COL4A6: variants seen among roughly 807,000 people sequenced by gnomAD.
COL4A6 encodes collagen type IV alpha 6 chain, also known as collagen alpha-6(IV) chain.
In COL4A6, 59 loss-of-function variants were observed where a neutral mutation model predicts 126.7. The ratio of observed to expected loss-of-function variants is 0.47; its 90% CI spans 0.38 to 0.58. The LOEUF (loss-of-function observed/expected upper bound fraction) is 0.58. Among genes scored for constraint, COL4A6 ranks in the 20% least tolerant of loss-of-function variants. COL4A6 has a pLI of 0.00. For synonymous variants in COL4A6, 547 were observed against 496.6 expected (o/e 1.10, Z -1.35); for missense variants, 1,285 against 1,337.3 (o/e 0.96, Z 0.61).
At chrX:108,196,968 A>C (rs2035239437) in intron 13 of COL4A6, among the ~76,000 whole-genome samples, 1 of 112,195 alleles carries the variant, frequency 8.9e-6, no homozygotes, top group African/African-American at 3.2e-5. Context: ...TTTTCCATTA[A>C]AACAAGCTGC....
intron 3 of COL4A6, among the ~76,000 whole-genome samples, chrX:108,305,542 G>T (rs911915737): frequency 8.9e-6 from 1 of 111,871 alleles, no homozygotes; most frequent in African/African-American, 3.3e-5. Flanking sequence ...GCAGGACAGT[G>T]GCAAATTGAT....
At chrX:108,281,279 T>C (rs1265303395) in intron 3 of COL4A6, among the ~76,000 whole-genome samples, 1 of 91,204 alleles carries the variant, frequency 1.1e-5, no homozygotes, top group East Asian at 3.4e-4. Flanking sequence ...CTTAAGCTGA[T>C]AAGCAACTTC....
rs187034547 is a variant in COL4A6, at chrX:108,300,720, T to C, written c.144+10028A>G. 1.1e-3 allele frequency among the ~76,000 whole-genome samples: 112 copies of C among 100,632 alleles called. 4 individuals carry two copies. The East Asian group carries it at 0.034, about 31-fold the overall frequency. The allele number at this position is 100,632 out of a possible 115,157, so 87.4% of individuals were successfully genotyped here. Reference sequence around the variant, plus strand: ...AGATGCAGTGATGGGTAGTCAAACATTGGCGTGTGTGTGTGTGTGTGTGTG... The same window carrying C: ...AGATGCAGTGATGGGTAGTCAAACACTGGCGTGTGTGTGTGTGTGTGTGTG... On this transcript the variant is annotated intron_variant, in intron 3 of 44. Coordinates refer to ENST00000334504, the MANE Select transcript of COL4A6 (RefSeq NM_033641.4).
intron 3 of COL4A6, among the ~76,000 whole-genome samples, chrX:108,260,410 A>T (rs1293709358): frequency 8.9e-6 from 1 of 111,857 alleles, no homozygotes; most frequent in Non-Finnish European, 1.9e-5. Flanking sequence ...TGTAGCTCCA[A>T]TAATTCCCTC....
intron 2 of COL4A6, among the ~76,000 whole-genome samples, chrX:108,399,438 G>A (rs1269029023): frequency 9.0e-6 from 1 of 111,027 alleles, no homozygotes; most frequent in Non-Finnish European, 1.9e-5. Context: ...AAATTATACT[G>A]TAATTTCTTC....
chrX:108,161,009 T>C (rs943928020), intron 42 of COL4A6, among the ~76,000 whole-genome samples: 5 of 111,922 alleles, frequency 4.5e-5, no homozygotes, highest in Non-Finnish European at 9.4e-5. Context: ...GGTCCAGCCT[T>C]GCAGGCCCTC....
chrX:108,298,675 C>T lies in COL4A6; in HGVS notation c.144+12073G>A, dbSNP rs187927454. On this transcript the variant is annotated intron_variant, in intron 3 of 44. Coordinates refer to ENST00000334504, the MANE Select transcript of COL4A6 (RefSeq NM_033641.4). ...CTGGGAAACTCTCAAGGAGGCCCTG[C>T]GGGGGCTGGTTAAACTGTCTGGGGT... Among the ~76,000 whole-genome samples, 637 of 109,974 alleles carry T rather than the reference C, an allele frequency of 5.8e-3. 11 individuals carry two copies. The highest frequency in any genetic ancestry group is 5.8e-3 in the Non-Finnish European group (303 of 52,443).
At chrX:108,434,329 C>T (rs1032434726) in intron 2 of COL4A6, among the ~76,000 whole-genome samples, 21 of 110,039 alleles carry the variant, frequency 1.9e-4, no homozygotes, top group Admixed American at 5.8e-4. Flanking sequence ...TTTCACTCTG[C>T]TGCCCAGGGT....
intron 3 of COL4A6, among the ~76,000 whole-genome samples, chrX:108,256,501 C>A (rs991743490): frequency 9.0e-6 from 1 of 111,314 alleles, no homozygotes; most frequent in Non-Finnish European, 1.9e-5. Context: ...ATAGATGAGG[C>A]AACTGAGATA....
intron 3 of COL4A6, among the ~76,000 whole-genome samples, chrX:108,278,832 A>G (rs2037703565): frequency 1.8e-5 from 2 of 111,014 alleles, no homozygotes; most frequent in Admixed American, 1.9e-4. Flanking sequence ...AGTGGGGGCC[A>G]ATATTCAACA....
At chrX:108,436,711 T>C (rs2057281949) in intron 2 of COL4A6, among the ~76,000 whole-genome samples, 1 of 112,036 alleles carries the variant, frequency 8.9e-6, no homozygotes, top group South Asian at 3.7e-4. Context: ...TTTACTTACA[T>C]AGGAACTGAT....
chrX:108,413,809 A>G (rs1033622820), intron 2 of COL4A6, among the ~76,000 whole-genome samples: 1 of 111,944 alleles, frequency 8.9e-6, no homozygotes, highest in African/African-American at 3.2e-5. Context: ...GCAATGTAGG[A>G]GTTAAACATC....
intron 5 of COL4A6, among the ~76,000 whole-genome samples, chrX:108,216,322 CAGTT>C (rs2035854858): frequency 8.9e-6 from 1 of 111,902 alleles, no homozygotes; most frequent in African/African-American, 3.2e-5. Flanking sequence ...TGTTTTGAGC[CAGTT>C]AGACTTGTGC....
rs774535813 is a variant in COL4A6 at position 108,155,778 on chromosome X, CAT to C, written c.*1220_*1221del. The C allele has an allele frequency of 1.8e-5, 2 of 111,509 alleles. No homozygotes were observed. Among genetic ancestry groups the C allele is most frequent in the Non-Finnish European group, 3.8e-5 (2 of 53,178 alleles). The allele number at this position is 111,509 out of a possible 1,213,427, so 9.2% of individuals were successfully genotyped here. A position where few individuals can be genotyped will look rare whatever the true frequency, so the allele number is the denominator to read the frequency against. The stretch of plus-strand genomic sequence containing the variant: ...CAGAATCACCTGGAAGGAACTGCCT[CAT>C]GTCAACATAGCTAAGAGTGTTCTGG... On this transcript the variant is annotated 3_prime_UTR_variant, in exon 45 of 45. Transcript: ENST00000334504.
At chrX:108,342,807 T>C (rs1464219687) in intron 2 of COL4A6, among the ~76,000 whole-genome samples, 1 of 110,746 alleles carries the variant, frequency 9.0e-6, no homozygotes, top group East Asian at 2.8e-4. Context: ...ATGGTGGAAT[T>C]AGACAGTTAT....
intron 2 of COL4A6, among the ~76,000 whole-genome samples, chrX:108,362,683 T>G (rs913838545): frequency 3.6e-5 from 4 of 112,448 alleles, no homozygotes; most frequent in African/African-American, 1.3e-4. Flanking sequence ...TTCCTTATAT[T>G]GAATTAAAAT....
rs746850934 is a variant in COL4A6 at position 108,344,415 on chromosome X, T to C, written c.64-33587A>G. Among the ~76,000 whole-genome samples, 26 of 111,424 alleles carry C rather than the reference T, an allele frequency of 2.3e-4. 1 individual carries two copies. Among genetic ancestry groups the C allele is most frequent in the Admixed American group, 3.8e-4 (4 of 10,498 alleles). On this transcript the variant is annotated intron_variant, in intron 2 of 44. Coordinates refer to ENST00000334504, the MANE Select transcript of COL4A6 (RefSeq NM_033641.4). Reference sequence around the variant, plus strand: ...AAACCAACTATGCTCCCTTTCTGCTTTCTTCATCCAACTTGGCAGAATCTC... The same window carrying C: ...AAACCAACTATGCTCCCTTTCTGCTCTCTTCATCCAACTTGGCAGAATCTC...
intron 5 of COL4A6, among the ~76,000 whole-genome samples, chrX:108,217,853 T>C (rs1054717535): frequency 9.0e-6 from 1 of 111,352 alleles, no homozygotes; most frequent in Admixed American, 9.5e-5. Flanking sequence ...GGAAAGGAAA[T>C]ATCAGGAGTT....
At chrX:108,170,120 A>G in intron 35 of COL4A6, 104 bp from the exon 36 acceptor site, 1 of 686,784 alleles carries the variant, frequency 1.5e-6, no homozygotes, top group Admixed American at 3.1e-5. Flanking sequence ...TCCTTATTTT[A>G]AAGTCCTGGT....
Sources: allele counts gnomAD v4.1 joint callset (sites outside exome capture counted in the v4.1 genomes callset), GRCh38; gene constraint gnomAD v4.1.1; transcripts MANE v1.5; gene names NCBI Gene and HGNC (gene_info 2026-07-23, HGNC 2026-07-21).